Variants in SNCAIP observed in about 807,000 individuals in gnomAD.
SNCAIP encodes the protein synuclein alpha interacting protein.
A neutral mutation model predicts 86.7 loss-of-function variants in SNCAIP; 43 were observed. The ratio of observed to expected loss-of-function variants is 0.50; its 90% CI spans 0.39 to 0.64. The LOEUF (loss-of-function observed/expected upper bound fraction) is 0.64. Ranked by LOEUF, SNCAIP falls within the 30% of genes least tolerant of loss-of-function variation. The pLI is 0.00. For missense variants in SNCAIP, 981 were observed against 1,103.1 expected (o/e 0.89, Z 1.57); for synonymous variants, 417 against 427.2 (o/e 0.98, Z 0.29).
chr5:122,450,151 C>T lies in SNCAIP; in HGVS notation c.1685+214C>T, dbSNP rs150653139. Among the ~76,000 whole-genome samples the T allele has an allele frequency of 3.2e-3, 490 of 152,220 alleles. 4 individuals carry two copies. The highest frequency in any genetic ancestry group is 0.011 in the African/African-American group (470 of 41,532). ...CTGATTCTGCTATTTCTTCATTCCA[C>T]GACTATAAACAAGTCATTTACTCTT... On this transcript the variant is annotated intron_variant, in intron 9 of 10. Transcript: ENST00000261368.
chr5:122,350,168 C>T (rs567886391), intron 1 of SNCAIP, among the ~76,000 whole-genome samples: 7 of 152,234 alleles, frequency 4.6e-5, no homozygotes, highest in Admixed American at 3.9e-4. Context: ...ATTTGGAATA[C>T]GTTAAGCATG....
At chr5:122,391,061 C>A in intron 1 of SNCAIP, 28 bp from the exon 2 acceptor site, 1 of 1,324,690 alleles carries the variant, frequency 7.5e-7, no homozygotes, top group South Asian at 1.2e-5. Flanking sequence ...ATTTTTTTGC[C>A]TTTCTTTTCT....
chr5:122,377,662 T>C (rs1457553554), intron 1 of SNCAIP, among the ~76,000 whole-genome samples: 2 of 151,212 alleles, frequency 1.3e-5, no homozygotes, highest in East Asian at 2.0e-4. Flanking sequence ...TAGCATTATG[T>C]ATATCTCCCA....
Position 122,330,117 on chromosome 5 carries a change from C to CTTTT in SNCAIP, c.-47+17852_-47+17855dup, listed in dbSNP as rs1212303157. ...CTTACCTCCGTGTACAACTTCATTTCTTTTTTTTTTTTTTTTTTTTTTGAG... is the reference window on the plus strand; with the variant it reads ...CTTACCTCCGTGTACAACTTCATTTCTTTTTTTTTTTTTTTTTTTTTTTTTTGAG... On this transcript the variant is annotated intron_variant, in intron 1 of 10. Coordinates refer to ENST00000261368, the MANE Select transcript of SNCAIP (RefSeq NM_005460.4). Among the ~76,000 whole-genome samples the CTTTT allele has an allele frequency of 1.6e-3, 153 of 96,804 alleles. 4 individuals carry two copies. The highest frequency in any genetic ancestry group is 4.7e-3 in the South Asian group (12 of 2,576). 63.5% of individuals were successfully genotyped at this position (96,804 alleles called of 152,430 possible).
chr5:122,327,912 G>A (rs1412226786), intron 1 of SNCAIP, among the ~76,000 whole-genome samples: 5 of 152,162 alleles, frequency 3.3e-5, no homozygotes, highest in African/African-American at 4.8e-5. Flanking sequence ...ATGTGAAATG[G>A]GGAGGAAGAT....
chr5:122,377,647 T>A (rs910680527), intron 1 of SNCAIP, among the ~76,000 whole-genome samples: 2 of 151,282 alleles, frequency 1.3e-5, no homozygotes, highest in African/African-American at 4.9e-5. Context: ...TACTAACTCG[T>A]CATCTAGCAT....
chr5:122,413,362 C>G (rs1169729074), intron 3 of SNCAIP, among the ~76,000 whole-genome samples: 1 of 152,156 alleles, frequency 6.6e-6, no homozygotes, highest in Non-Finnish European at 1.5e-5. Context: ...CTCAGATCTT[C>G]ATAAAATTAT....
chr5:122,463,354 C>T (rs191759626), intron 10 of SNCAIP, 137 bp from the exon 11 acceptor site: 4 of 653,128 alleles, frequency 6.1e-6, no homozygotes, highest in East Asian at 5.1e-5. Context: ...GAATAATTTG[C>T]GTATTGGAAT....
intron 1 of SNCAIP, among the ~76,000 whole-genome samples, chr5:122,328,884 A>C (rs1418808948): frequency 6.6e-6 from 1 of 152,084 alleles, no homozygotes; most frequent in Non-Finnish European, 1.5e-5. Flanking sequence ...AGATTCCTAA[A>C]ATTTCCAAAG....
At chr5:122,388,128 G>A (rs913794511) in intron 1 of SNCAIP, among the ~76,000 whole-genome samples, 5 of 152,232 alleles carry the variant, frequency 3.3e-5, no homozygotes, top group Admixed American at 6.5e-5. Context: ...AGGAGCAGCT[G>A]CGGCTTAGCT....
chr5:122,413,536 T>G (rs989773562), intron 3 of SNCAIP, among the ~76,000 whole-genome samples: 9 of 152,174 alleles, frequency 5.9e-5, no homozygotes, highest in Non-Finnish European at 1.3e-4. Context: ...TTTTTTTATT[T>G]ACCTGTGTAC....
intron 1 of SNCAIP, among the ~76,000 whole-genome samples, chr5:122,355,466 G>A (rs1204528321): frequency 6.6e-6 from 1 of 151,974 alleles, no homozygotes; most frequent in East Asian, 1.9e-4. Context: ...CCGGGTGTGA[G>A]GCAAAAATTG....
At chr5:122,440,485 T>A (rs1053887363) in intron 6 of SNCAIP, 144 bp from the exon 7 acceptor site, 13 of 768,146 alleles carry the variant, frequency 1.7e-5, no homozygotes, top group Non-Finnish European at 2.5e-5. Flanking sequence ...GATTTTCAAT[T>A]CACATCTGAA....
At chr5:122,391,051 AT>A (rs1769238680) in intron 1 of SNCAIP, 37 bp from the exon 2 acceptor site, 8 of 1,162,702 alleles carry the variant, frequency 6.9e-6, no homozygotes, top group Non-Finnish European at 9.1e-6. Context: ...AAACGGCTAA[AT>A]TTTTTTGCCT....
At chr5:122,445,630 CTTACCT>C (rs1782111856) in intron 8 of SNCAIP, among the ~76,000 whole-genome samples, 1 of 145,648 alleles carries the variant, frequency 6.9e-6, no homozygotes, top group African/African-American at 2.5e-5. Flanking sequence ...GGAAAATACT[CTTACCT>C]TTAAGTTTTA....
At position 122,316,285 on chromosome 5, in the gene SNCAIP, T is replaced by C. The variant is rs571928505; in HGVS notation, c.-47+4001T>C. On this transcript the variant is annotated intron_variant, in intron 1 of 10. Coordinates refer to ENST00000261368, the MANE Select transcript of SNCAIP (RefSeq NM_005460.4). ...GATGGAAGGTCTACTCTTAGAATGC[T>C]CTTCCCTTAAACTAAGCATACCAGG... 2.0e-5 allele frequency among the ~76,000 whole-genome samples: 3 copies of C among 152,328 alleles called. No homozygotes were observed. In the South Asian group the frequency reaches 6.2e-4, roughly 32 times the overall value.
At chr5:122,394,955 T>C (rs1398497201) in intron 2 of SNCAIP, among the ~76,000 whole-genome samples, 1 of 152,166 alleles carries the variant, frequency 6.6e-6, no homozygotes, top group African/African-American at 2.4e-5. Context: ...ATTCACAAGG[T>C]TACAGGGCCA....
chr5:122,441,656 G>A (rs1201471196), intron 7 of SNCAIP, among the ~76,000 whole-genome samples: 2 of 152,170 alleles, frequency 1.3e-5, no homozygotes, highest in African/African-American at 4.8e-5. Context: ...TGGCAGGAAA[G>A]CCCAACAAAG....
intron 8 of SNCAIP, among the ~76,000 whole-genome samples, chr5:122,448,979 G>C (rs987871671): frequency 4.0e-5 from 6 of 150,772 alleles, no homozygotes; most frequent in African/African-American, 1.5e-4. Context: ...TAGCACCACT[G>C]CAGTCCGGCC....
Sources: allele counts gnomAD v4.1 joint callset (sites outside exome capture counted in the v4.1 genomes callset), GRCh38; gene constraint gnomAD v4.1.1; transcripts MANE v1.5; gene names NCBI Gene and HGNC (gene_info 2026-07-23, HGNC 2026-07-21).